The following PVT1 variants were observed in gnomAD, a reference collection of about 807,000 sequenced individuals.
The protein encoded by PVT1 is CXCR4/PVT1 fusion.
intron 3 of PVT1, among the ~76,000 whole-genome samples, chr8:127,933,357 G>A (rs900558697): frequency 1.3e-5 from 2 of 152,198 alleles, no homozygotes; most frequent in South Asian, 2.1e-4. Flanking sequence ...TTACAGGCGC[G>A]AGCCATTGTG....
chr8:127,834,733 C>T (rs1046615113), intron 2 of PVT1, among the ~76,000 whole-genome samples: 5 of 152,010 alleles, frequency 3.3e-5, no homozygotes, highest in Admixed American at 6.6e-5. Context: ...AAAAAACAAA[C>T]AAACAAACAA....
intron 4 of PVT1, among the ~76,000 whole-genome samples, chr8:128,069,204 A>G (rs930118684): frequency 6.6e-6 from 1 of 152,236 alleles, no homozygotes; most frequent in Non-Finnish European, 1.5e-5. Context: ...CTAGCTGTTC[A>G]TTGGAAAAAT....
In PVT1 at chr8:128,039,196, G is replaced by A. The variant is rs183355601; in HGVS notation, n.913-30964G>A. On this transcript the variant is annotated intron_variant and non_coding_transcript_variant, in intron 4 of 10. Coordinates refer to ENST00000651587, the Ensembl canonical transcript of PVT1. Reference sequence around the variant, plus strand: ...GGGAAATAGTAGCTGCTTGGCAGGGGAGTTCATGAAGGTTGCAGAGCACCT... The same window carrying A: ...GGGAAATAGTAGCTGCTTGGCAGGGAAGTTCATGAAGGTTGCAGAGCACCT... Among the ~76,000 whole-genome samples the A allele has an allele frequency of 4.6e-5, 7 of 152,302 alleles. No individual in the cohort carries two copies. The East Asian group carries it at 1.4e-3, about 29-fold the overall frequency.
At chr8:127,951,497 G>A (rs528443230) in intron 3 of PVT1, among the ~76,000 whole-genome samples, 2 of 152,232 alleles carry the variant, frequency 1.3e-5, no homozygotes, top group East Asian at 1.9e-4. Context: ...GACATCTGAG[G>A]GACGTCAGAT....
intron 3 of PVT1, among the ~76,000 whole-genome samples, chr8:127,958,429 G>A (rs777708913): frequency 2.6e-5 from 4 of 152,070 alleles, no homozygotes; most frequent in African/African-American, 4.8e-5. Context: ...TATTGGAGCT[G>A]GGGTTTCACC....
chr8:127,843,127 G>A (rs1280621708), intron 2 of PVT1, among the ~76,000 whole-genome samples: 2 of 152,174 alleles, frequency 1.3e-5, no homozygotes, highest in Non-Finnish European at 2.9e-5. Flanking sequence ...AGGCTGAGGC[G>A]GGTGGATCAC....
At chr8:128,059,047 T>A (rs1299052595) in intron 4 of PVT1, among the ~76,000 whole-genome samples, 1 of 152,068 alleles carries the variant, frequency 6.6e-6, no homozygotes, top group African/African-American at 2.4e-5. Context: ...ATTTGTCTTG[T>A]TTGGAGGGGA....
At chr8:127,802,377 C>A (rs1364992169) in intron 2 of PVT1, among the ~76,000 whole-genome samples, 1 of 151,952 alleles carries the variant, frequency 6.6e-6, no homozygotes, top group African/African-American at 2.4e-5. Flanking sequence ...CCACGCCCAG[C>A]TAATTTTTTT....
At chr8:127,850,940 G>T (rs985511367) in intron 2 of PVT1, among the ~76,000 whole-genome samples, 6 of 151,766 alleles carry the variant, frequency 4.0e-5, no homozygotes, top group African/African-American at 1.5e-4. Context: ...CCAGGAGCTG[G>T]AGATTGCAAT....
intron 4 of PVT1, among the ~76,000 whole-genome samples, chr8:127,991,528 G>A (rs1459709100): frequency 1.3e-5 from 2 of 152,098 alleles, no homozygotes; most frequent in Admixed American, 1.3e-4. Flanking sequence ...CCCATGCCCT[G>A]CTGCACCTGG....
At chr8:127,839,416 G>A (rs1814947342) in intron 2 of PVT1, among the ~76,000 whole-genome samples, 1 of 151,900 alleles carries the variant, frequency 6.6e-6, no homozygotes, top group Non-Finnish European at 1.5e-5. Flanking sequence ...CGGGCATGGT[G>A]GCATAGACTT....
intron 4 of PVT1, among the ~76,000 whole-genome samples, chr8:128,065,723 A>T (rs1005418513): frequency 6.6e-6 from 1 of 150,834 alleles, no homozygotes; most frequent in African/African-American, 2.4e-5. Context: ...CCAAGGGGGG[A>T]AGAAGTGCTG....
At chr8:127,803,904 A>G (rs953827295) in intron 2 of PVT1, among the ~76,000 whole-genome samples, 1 of 152,052 alleles carries the variant, frequency 6.6e-6, no homozygotes, top group African/African-American at 2.4e-5. Context: ...TATTTTTAGC[A>G]GAGACGGGGT....
chr8:127,865,496 G>T (rs1183838861), intron 2 of PVT1, among the ~76,000 whole-genome samples: 1 of 152,178 alleles, frequency 6.6e-6, no homozygotes, highest in African/African-American at 2.4e-5. Flanking sequence ...GTCCTTACAA[G>T]TGGGCGAGAG....
chr8:128,021,289 G>GTTTTTTTTTTT, intron 4 of PVT1, among the ~76,000 whole-genome samples: 3 of 54,882 alleles, frequency 5.5e-5, no homozygotes, highest in African/African-American at 5.7e-5. Context: ...CAGGACTTGT[G>GTTTTTTTTTTT]CTTTTTTTTT....
intron 4 of PVT1, among the ~76,000 whole-genome samples, chr8:127,997,447 A>AT (rs1817120056): frequency 6.6e-6 from 1 of 152,016 alleles, no homozygotes; most frequent in Non-Finnish European, 1.5e-5. Flanking sequence ...CTGCCAATCC[A>AT]TTTTTCAGGC....
At chr8:128,079,926 A>G (rs890637813) in intron 5 of PVT1, among the ~76,000 whole-genome samples, 1 of 152,076 alleles carries the variant, frequency 6.6e-6, no homozygotes, top group Non-Finnish European at 1.5e-5. Context: ...GGGTTTCACC[A>G]TGGTAGCCAG....
chr8:128,037,354 T>A (rs1586491892), intron 4 of PVT1, among the ~76,000 whole-genome samples: 3 of 152,274 alleles, frequency 2.0e-5, no homozygotes, highest in Non-Finnish European at 2.9e-5. Flanking sequence ...TTTATGTGTT[T>A]AATGGATTTT....
chr8:127,959,720 A>G (rs185390591), intron 3 of PVT1, among the ~76,000 whole-genome samples: 37 of 152,212 alleles, frequency 2.4e-4, no homozygotes, highest in Admixed American at 1.4e-3. Flanking sequence ...CTGTTCAGAC[A>G]TTGTTAAGCT....
Sources: gnomAD v4.1 joint callset for allele counts (sites outside exome capture counted in the v4.1 genomes callset) on GRCh38, gnomAD v4.1.1 for gene constraint, MANE v1.5 for transcripts, NCBI Gene and HGNC (gene_info 2026-07-23, HGNC 2026-07-21) for gene names.